ZMYND8: variants seen among roughly 807,000 people sequenced by gnomAD.
The protein encoded by ZMYND8 is zinc finger MYND-type containing 8.
ZMYND8 carries 37 observed loss-of-function variants against 140.8 expected under a neutral mutation model. The ratio of observed to expected loss-of-function variants is 0.26; its 90% CI spans 0.20 to 0.35. The LOEUF is 0.35. Among genes scored for constraint, ZMYND8 ranks in the 10% least tolerant of loss-of-function variants. The pLI is 1.00. For missense variants in ZMYND8, 1,068 were observed against 1,570.0 expected (o/e 0.68, Z 5.40); for synonymous variants, 592 against 597.1 (o/e 0.99, Z 0.12).
At chr20:47,238,058 G>T (rs1355175810) in intron 15 of ZMYND8, 1 of 152,248 alleles carries the variant, frequency 6.6e-6, no homozygotes, top group African/African-American at 2.4e-5. Context: ...ACTCCAAGAG[G>T]TTCCCTCATG....
chr20:47,265,627 G>C (rs1027282600), intron 11 of ZMYND8, among the ~76,000 whole-genome samples: 1 of 152,168 alleles, frequency 6.6e-6, no homozygotes, highest in Non-Finnish European at 1.5e-5. Context: ...ATTTTTAGTA[G>C]AGACGGGGTT....
chr20:47,258,113 A>C (rs1569016433), intron 12 of ZMYND8, among the ~76,000 whole-genome samples: 1 of 152,254 alleles, frequency 6.6e-6, no homozygotes, highest in East Asian at 1.9e-4. Flanking sequence ...CTGACAATTC[A>C]GTCCGACAAT....
intron 2 of ZMYND8, among the ~76,000 whole-genome samples, chr20:47,326,140 A>G (rs2080395404): frequency 6.6e-6 from 1 of 152,144 alleles, no homozygotes; most frequent in African/African-American, 2.4e-5. Flanking sequence ...TGTATTTCTT[A>G]GTAGAGACAG....
intron 1 of ZMYND8, chr20:47,352,568 C>T (rs6124999): frequency 3.1e-6 from 3 of 983,486 alleles, no homozygotes; most frequent in East Asian, 2.3e-4. Flanking sequence ...AACTAACAGC[C>T]TGAGTGGATA....
intron 21 of ZMYND8, among the ~76,000 whole-genome samples, chr20:47,216,222 C>A (rs940127119): frequency 6.6e-6 from 1 of 152,138 alleles, no homozygotes; most frequent in African/African-American, 2.4e-5. Context: ...TGGCCAGGCA[C>A]GGTGGCTCAT....
intron 1 of ZMYND8, chr20:47,349,848 A>C (rs1602175755): frequency 2.6e-6 from 3 of 1,158,050 alleles, no homozygotes; most frequent in Non-Finnish European, 3.3e-6. Context: ...GAACTGAGCC[A>C]AAAAAAACCC....
intron 12 of ZMYND8, 115 bp downstream of exon 12, chr20:47,262,173 T>C (rs1287679319): frequency 3.4e-6 from 5 of 1,473,642 alleles, no homozygotes; most frequent in Non-Finnish European, 4.6e-6. Flanking sequence ...ACTTTTGCAT[T>C]TTTTGCATAG....
Position 47,249,266 on chromosome 20 carries a change from AAAAC to A in ZMYND8, c.1774+17_1774+20del. 2 of 1,604,030 alleles carry A rather than the reference AAAAC, an allele frequency of 1.2e-6. No individual in the cohort carries two copies. The highest frequency in any genetic ancestry group is 1.7e-6 in the Non-Finnish European group (2 of 1,175,868). On this transcript the variant is annotated intron_variant, in intron 13 of 22. Coordinates refer to ENST00000471951, the MANE Select transcript of ZMYND8 (RefSeq NM_001281775.3). ...ATAACAATGATACTGCTGGAAAAAA[AAAAC>A]AAAACCAAAGGTATACCTAATTGTG...
At position 47,282,089 on chromosome 20, in the gene ZMYND8, T is replaced by C; in HGVS notation, c.998+13A>G. On this transcript the variant is annotated intron_variant, in intron 10 of 22. Coordinates refer to ENST00000471951, the MANE Select transcript of ZMYND8 (RefSeq NM_001281775.3). ...TGAAAGCTACATGTTCCAAGCCTGT[T>C]ATTAACTCCCACCTGTCATGTTGTC... 2 of 1,608,044 alleles carry C rather than the reference T, an allele frequency of 1.2e-6. No homozygotes were observed. Among genetic ancestry groups the C allele is most frequent in the Non-Finnish European group, 1.7e-6 (2 of 1,176,794 alleles).
intron 3 of ZMYND8, among the ~76,000 whole-genome samples, chr20:47,307,688 C>T (rs1213172151): frequency 6.6e-6 from 1 of 151,642 alleles, no homozygotes; most frequent in Non-Finnish European, 1.5e-5. Flanking sequence ...CTTAGCAGGG[C>T]GTGGTGGCAG....
At chr20:47,347,601 C>A (rs2082436518) in intron 2 of ZMYND8, among the ~76,000 whole-genome samples, 1 of 152,126 alleles carries the variant, frequency 6.6e-6, no homozygotes. Flanking sequence ...GGAGAGGTAG[C>A]CAGCCACCCT....
rs1266057208 is a variant in ZMYND8, at chr20:47,294,750, G to C, written c.483C>G (p.Thr161=). 1.2e-6 allele frequency: 2 copies of C among 1,614,050 alleles called. No individual in the cohort carries two copies. Among genetic ancestry groups the C allele is most frequent in the Admixed American group, 3.3e-5 (2 of 60,012 alleles). The change falls in exon 5 of 23, where the codon ACC becomes ACG. Residue 161 remains threonine, a synonymous_variant. Coordinates refer to ENST00000471951, the MANE Select transcript of ZMYND8 (RefSeq NM_001281775.3). ...EKITVAECIE[T]QSKAMTMLTI... is the part of the protein sequence containing the mutation. The stretch of plus-strand genomic sequence containing the variant: ...TGAGCATTGTCATGGCTTTACTCTG[G>C]GTCTCGATGCATTCTGCTACTGTAA...
chr20:47,351,268 T>A (rs551395342), intron 1 of ZMYND8, among the ~76,000 whole-genome samples: 1 of 152,064 alleles, frequency 6.6e-6, no homozygotes, highest in Non-Finnish European at 1.5e-5. Context: ...AGGAATCTCA[T>A]CTCCTCAACA....
At chr20:47,313,819 G>T (rs895015185) in intron 2 of ZMYND8, among the ~76,000 whole-genome samples, 2 of 151,874 alleles carry the variant, frequency 1.3e-5, no homozygotes, top group Admixed American at 6.6e-5. Flanking sequence ...TATAGTCCCA[G>T]CTACTTGGGA....
At chr20:47,223,416 G>T (rs1324873652) in intron 19 of ZMYND8, among the ~76,000 whole-genome samples, 1 of 152,152 alleles carries the variant, frequency 6.6e-6, no homozygotes, top group Admixed American at 6.5e-5. Context: ...TGAGGCAGGA[G>T]AATCAGTGGA....
chr20:47,271,723 C>T (rs780662737), intron 11 of ZMYND8, among the ~76,000 whole-genome samples: 3 of 152,242 alleles, frequency 2.0e-5, no homozygotes, highest in Non-Finnish European at 4.4e-5. Flanking sequence ...CTCTGTCTCC[C>T]AGGCTGGAGT....
chr20:47,327,048 C>T (rs1394431612), intron 2 of ZMYND8, among the ~76,000 whole-genome samples: 2 of 152,038 alleles, frequency 1.3e-5, no homozygotes, highest in African/African-American at 4.8e-5. Context: ...ACCAGGTCAG[C>T]CTTATTAGGA....
chr20:47,215,139 G>A (rs927427435), intron 21 of ZMYND8, among the ~76,000 whole-genome samples: 3 of 152,124 alleles, frequency 2.0e-5, no homozygotes, highest in East Asian at 1.9e-4. Flanking sequence ...CTGGGAGGCC[G>A]AGGCAGGTGG....
chr20:47,297,774 A>G (rs1441754447), intron 4 of ZMYND8, among the ~76,000 whole-genome samples: 1 of 152,208 alleles, frequency 6.6e-6, no homozygotes, highest in Admixed American at 6.5e-5. Context: ...ATAATTGTGG[A>G]GATGACATTT....
Sources: allele counts gnomAD v4.1 joint callset (sites outside exome capture counted in the v4.1 genomes callset), GRCh38; gene constraint gnomAD v4.1.1; transcripts MANE v1.5; gene names NCBI Gene and HGNC (gene_info 2026-07-23, HGNC 2026-07-21).